Variants in BCAT2 observed in about 807,000 individuals in gnomAD.
BCAT2 encodes the protein branched-chain-amino-acid aminotransferase, mitochondrial.
Under a neutral mutation model 52.9 loss-of-function variants are expected in BCAT2, and 44 were observed. That is an observed-to-expected ratio of 0.83 (90% CI 0.65 to 1.07). The LOEUF (loss-of-function observed/expected upper bound fraction) is 1.07. Ranked by LOEUF, BCAT2 falls within the 50% of genes least tolerant of loss-of-function variation. The pLI is 0.00. For synonymous variants in BCAT2, 215 were observed against 217.1 expected, an observed-to-expected ratio of 0.99 and a Z score of 0.08; for missense variants, 478 against 521.8, an observed-to-expected ratio of 0.92 and a Z score of 0.82.
intron 1 of BCAT2, chr19:48,808,400 GA>G (rs201269842): frequency 7.7e-3 from 1,509 of 196,458 alleles, no homozygotes; most frequent in Non-Finnish European, 0.011. Context: ...CGCACAAACA[GA>G]AAAAAAAAAA....
At chr19:48,798,540 G>A (rs534159136) in intron 6 of BCAT2, among the ~76,000 whole-genome samples, 1 of 152,128 alleles carries the variant, frequency 6.6e-6, no homozygotes, top group South Asian at 2.1e-4. Flanking sequence ...CCCAGGACTG[G>A]AAACAGTTTG....
intron 10 of BCAT2, among the ~76,000 whole-genome samples, 197 bp from the exon 11 acceptor site, chr19:48,795,661 GTA>G (rs2034493450): frequency 4.6e-5 from 7 of 152,198 alleles, no homozygotes; most frequent in Non-Finnish European, 7.4e-5. Context: ...TCCGGGAGAT[GTA>G]GTTCTGAAGA....
rs908089464 is a variant in BCAT2 at position 48,807,119 on chromosome 19, AGG to A, written c.25-47_25-46del. The stretch of plus-strand genomic sequence containing the variant: ...AGAGAGGGGGTGAGTGGGGCACAGC[AGG>A]GGCCCTGGCAGCTCGCTCGCCACCT... On this transcript the variant is annotated intron_variant, in intron 1 of 10. Coordinates refer to ENST00000316273, the MANE Select transcript of BCAT2 (RefSeq NM_001190.4). The surrounding 1 kb of genome is among the most constrained non-coding windows in gnomAD (Gnocchi z 4.6). 9.7e-6 allele frequency: 15 copies of A among 1,543,962 alleles called. No homozygotes were observed. The highest frequency in any genetic ancestry group is 1.3e-5 in the Non-Finnish European group (15 of 1,126,116).
chr19:48,803,223 A>G (rs572806158), intron 3 of BCAT2, among the ~76,000 whole-genome samples: 1 of 152,006 alleles, frequency 6.6e-6, no homozygotes, highest in African/African-American at 2.4e-5. Context: ...AACCCAGGTA[A>G]AAGAGCCCGG....
At position 48,807,256 on chromosome 19, in the gene BCAT2, G is replaced by A. The variant is rs907636595; in HGVS notation, c.25-182C>T. ...CAAGTCCCCTCCCTGCCCTGACGAG[G>A]GCTCGCTGGAAAGAGCTGAGTCAGC... On this transcript the variant is annotated intron_variant, in intron 1 of 10. Transcript: ENST00000316273. The surrounding 1 kb of genome is among the most constrained non-coding windows in gnomAD (Gnocchi z 4.6). 9.0e-6 allele frequency: 5 copies of A among 556,432 alleles called. No individual in the cohort carries two copies. In the African/African-American group the frequency reaches 9.7e-5, roughly 11 times the overall value. The allele number at this position is 556,432 out of a possible 1,614,324, so 34.5% of individuals were successfully genotyped here.
In BCAT2 at chr19:48,806,951, GC is replaced by G. The variant is rs770088290; in HGVS notation, c.99+48del. ...CTTTTGGAGATGCCCAAAACCAGCT[GC>G]CAGCCCCCTCCTCTCTCAGAGCCAA... On this transcript the variant is annotated intron_variant, in intron 2 of 10. Transcript: ENST00000316273. 5.7e-6 allele frequency: 9 copies of G among 1,592,122 alleles called. No homozygotes were observed. The African/African-American group carries it at 9.4e-5, about 17-fold the overall frequency.
intron 3 of BCAT2, among the ~76,000 whole-genome samples, chr19:48,805,880 G>A (rs1421364250): frequency 1.5e-4 from 2 of 13,758 alleles, no homozygotes; most frequent in South Asian, 7.5e-3. Flanking sequence ...CCCCTCTCCC[G>A]CCATCCCTCC....
rs186426890 is a variant in BCAT2 at position 48,803,933 on chromosome 19, T to C, written c.300+2584A>G. ...CCAGCCCTTTGGGAGGATGAGGCGG[T>C]GGATCATCTGAGGTCGGGAGTTTGA... is the stretch of plus-strand genomic sequence containing the variant. On this transcript the variant is annotated intron_variant, in intron 3 of 10. Coordinates refer to ENST00000316273, the MANE Select transcript of BCAT2 (RefSeq NM_001190.4). Among the ~76,000 whole-genome samples the C allele has an allele frequency of 2.9e-3, 444 of 151,526 alleles. 5 individuals carry two copies. The highest frequency in any genetic ancestry group is 0.01 in the African/African-American group (419 of 41,240).
rs1296438549 is a variant in BCAT2 at position 48,799,889 on chromosome 19, C to T, written c.532-51G>A. On this transcript the variant is annotated intron_variant, in intron 5 of 10. Coordinates refer to ENST00000316273, the MANE Select transcript of BCAT2 (RefSeq NM_001190.4). This position sits in a 1 kb window ranked among gnomAD's most constrained non-coding sequence, Gnocchi z 5.5. ...AGGAGTCCAGGCCCCCAGTCCCTTC[C>T]CGTCCCCAGGCCCAGGCCTCCAGGA... 6.3e-7 allele frequency: 1 copy of T among 1,585,970 alleles called. No individual in the cohort carries two copies. The highest frequency in any genetic ancestry group is 8.6e-7 in the Non-Finnish European group (1 of 1,167,096).
chr19:48,796,859 G>A (rs558301609), intron 8 of BCAT2, 78 bp downstream of exon 8: 33 of 1,595,400 alleles, frequency 2.1e-5, no homozygotes, highest in East Asian at 6.7e-5. Flanking sequence ...AGACATGCCA[G>A]TGTGCCCCAG....
chr19:48,808,095 G>A lies in BCAT2; in HGVS notation c.25-1021C>T, dbSNP rs538914185. The A allele has an allele frequency of 2.0e-5, 20 of 987,286 alleles. No individual in the cohort carries two copies. The South Asian group carries it at 2.8e-4, about 14-fold the overall frequency. 61.2% of individuals were successfully genotyped at this position (987,286 alleles called of 1,614,324 possible). A position where few individuals can be genotyped will look rare whatever the true frequency, so the allele number is the denominator to read the frequency against. ...ACGTGAATGGGCGTGGTCACTTGTCGCTAGGTGAGTTGCTGGGAGATGGGC... is the reference window on the plus strand; with the variant it reads ...ACGTGAATGGGCGTGGTCACTTGTCACTAGGTGAGTTGCTGGGAGATGGGC... On this transcript the variant is annotated intron_variant, in intron 1 of 10. Transcript: ENST00000316273.
intron 1 of BCAT2, chr19:48,808,359 G>T: frequency 1.5e-6 from 1 of 655,930 alleles, no homozygotes; most frequent in Non-Finnish European, 1.9e-6. Context: ...GATGGAAGAG[G>T]AAGGATGAGA....
chr19:48,797,794 A>ATTTCTTTT (rs372796296), intron 6 of BCAT2, among the ~76,000 whole-genome samples: 3 of 136,862 alleles, frequency 2.2e-5, no homozygotes, highest in African/African-American at 2.8e-5. Context: ...ATTCAAAACC[A>ATTTCTTTT]TTTCTTTTTT....
At chr19:48,810,754 A>AC (rs2034902921) in intron 1 of BCAT2, 1 of 645,994 alleles carries the variant, frequency 1.5e-6, no homozygotes, top group African/African-American at 4.5e-5. Flanking sequence ...TTTTTTTTTT[A>AC]CCTCCCCGCC....
At position 48,796,733 on chromosome 19, in the gene BCAT2, G is replaced by A; in HGVS notation, c.925-15C>T. 1 of 1,606,408 alleles carries A rather than the reference G, an allele frequency of 6.2e-7. No homozygotes were observed. Among genetic ancestry groups the A allele is most frequent in the Non-Finnish European group, 8.5e-7 (1 of 1,177,068 alleles). On this transcript the variant is annotated splice_polypyrimidine_tract_variant and intron_variant, in intron 8 of 10. Coordinates refer to ENST00000316273, the MANE Select transcript of BCAT2 (RefSeq NM_001190.4). ...CGGAACTCACCCTGCAGGGCAGTTGGCAGAGACACGTGTCCCCAGAGGGTT... is the reference window on the plus strand; with the variant it reads ...CGGAACTCACCCTGCAGGGCAGTTGACAGAGACACGTGTCCCCAGAGGGTT...
chr19:48,802,205 T>C (rs542803344), intron 3 of BCAT2, among the ~76,000 whole-genome samples: 1 of 152,144 alleles, frequency 6.6e-6, no homozygotes, highest in South Asian at 2.1e-4. Context: ...TGAGATACCT[T>C]TAAAACCACA....
At chr19:48,800,628 T>C (rs138342141) in intron 3 of BCAT2, among the ~76,000 whole-genome samples, 2 of 152,166 alleles carry the variant, frequency 1.3e-5, no homozygotes, top group African/African-American at 4.8e-5. Flanking sequence ...CCAGGCATTA[T>C]AGCAAGACCC....
intron 3 of BCAT2, among the ~76,000 whole-genome samples, chr19:48,803,190 G>A (rs903290531): frequency 8.2e-5 from 12 of 146,906 alleles, no homozygotes; most frequent in African/African-American, 3.0e-4. Context: ...GCAAGACACC[G>A]TCTCAAAAAC....
chr19:48,810,024 T>TGA (rs1309933404), intron 1 of BCAT2, among the ~76,000 whole-genome samples: 3 of 152,132 alleles, frequency 2.0e-5, no homozygotes, highest in Admixed American at 2.0e-4. Flanking sequence ...TGTGCCATGA[T>TGA]GAGACGGTCC....
Sources: gnomAD v4.1 joint callset for allele counts (sites outside exome capture counted in the v4.1 genomes callset) on GRCh38, gnomAD v4.1.1 for gene constraint, Gnocchi (gnomAD v3.1) non-coding constraint, MANE v1.5 for transcripts, NCBI Gene and HGNC (gene_info 2026-07-23, HGNC 2026-07-21) for gene names.